The following MYCBP2 variants were observed in gnomAD, a reference collection of about 807,000 sequenced individuals.
MYCBP2 encodes MYC binding protein 2.
MYCBP2 carries 120 observed loss-of-function variants against 525.3 expected under a neutral mutation model. The ratio of observed to expected loss-of-function variants is 0.23; its 90% CI spans 0.20 to 0.27. MYCBP2 has a LOEUF of 0.27. Among genes scored for constraint, MYCBP2 ranks in the 10% least tolerant of loss-of-function variants. The probability of loss-of-function intolerance (pLI) is 1.00; values close to 1 mark genes in which losing one functional copy is unlikely to be tolerated. For missense variants in MYCBP2, 4,149 were observed against 5,657.1 expected (o/e 0.73, Z 8.55); for synonymous variants, 1,894 against 1,955.8 (o/e 0.97, Z 0.83).
chr13:77,124,325 A>G (rs1207579150), intron 54 of MYCBP2, among the ~76,000 whole-genome samples: 2 of 152,198 alleles, frequency 1.3e-5, no homozygotes, highest in Non-Finnish European at 2.9e-5. Flanking sequence ...TCATTATTGC[A>G]AATTTCAAAC....
At chr13:77,264,687 T>C (rs184682139) in intron 8 of MYCBP2, among the ~76,000 whole-genome samples, 3 of 152,228 alleles carry the variant, frequency 2.0e-5, no homozygotes, top group Admixed American at 2.0e-4. Flanking sequence ...TAGTACACCA[T>C]ATACTTTGAT....
At position 77,061,680 on chromosome 13, in the gene MYCBP2, G is replaced by A; in HGVS notation, c.12885C>T (p.Thr4295=). Residue 4295 remains threonine, a synonymous_variant, in exon 75 of 83, where the codon ACC becomes ACT. Coordinates refer to ENST00000544440, the MANE Select transcript of MYCBP2 (RefSeq NM_015057.5). ...CDRFLHLHRR[T]KTHQRQVFKE... The stretch of plus-strand genomic sequence containing the variant: ...TCTTCACCTGTCTTTGATGAGTTTT[G>A]GTTCTTCGATGAAGGTGAAGGAATC... The A allele has an allele frequency of 6.2e-7, 1 of 1,609,904 alleles. No individual in the cohort carries two copies. Among genetic ancestry groups the A allele is most frequent in the Non-Finnish European group, 8.5e-7 (1 of 1,178,856 alleles).
chr13:77,156,906 A>G (rs1160551745), intron 45 of MYCBP2, among the ~76,000 whole-genome samples: 1 of 152,182 alleles, frequency 6.6e-6, no homozygotes. Context: ...TCCAATCACT[A>G]TTTTGTGATT....
intron 20 of MYCBP2, among the ~76,000 whole-genome samples, chr13:77,219,711 T>G (rs755448454): frequency 1.3e-5 from 2 of 152,000 alleles, no homozygotes; most frequent in African/African-American, 4.8e-5. Flanking sequence ...TCTGTTGCAA[T>G]GTACATGGAG....
At chr13:77,059,206 T>C (rs1375806617) in intron 77 of MYCBP2, among the ~76,000 whole-genome samples, 1 of 152,140 alleles carries the variant, frequency 6.6e-6, no homozygotes, top group Non-Finnish European at 1.5e-5. Flanking sequence ...AAATGTATTT[T>C]AAGGAAATAA....
Position 77,058,744 on chromosome 13 carries a change from T to C in MYCBP2, c.13141-338A>G, listed in dbSNP as rs899394927. Among the ~76,000 whole-genome samples the C allele has an allele frequency of 1.3e-5, 2 of 152,126 alleles. No individual in the cohort carries two copies. The highest frequency in any genetic ancestry group is 4.8e-5 in the African/African-American group (2 of 41,410). ...GCTTACACCTGTAATCCCAGCACTT[T>C]GGGAGGCTGAGGTGGGCAGATCACG... On this transcript the variant is annotated intron_variant, in intron 77 of 82. Transcript: ENST00000544440. This position sits in a 1 kb window ranked among gnomAD's most constrained non-coding sequence, Gnocchi z 4.1.
At chr13:77,191,533 G>A in intron 28 of MYCBP2, 146 bp downstream of exon 28, 3 of 923,350 alleles carry the variant, frequency 3.2e-6, no homozygotes, top group East Asian at 2.7e-5. Context: ...TTGGCATGAG[G>A]TTACATGAAT....
rs138925101 is a variant in MYCBP2 at position 77,167,956 on chromosome 13, C to T, written c.6114+472G>A. Among the ~76,000 whole-genome samples, 27 of 152,244 alleles carry T rather than the reference C, an allele frequency of 1.8e-4. No individual in the cohort carries two copies. In the East Asian group the frequency reaches 4.2e-3, roughly 24 times the overall value. On this transcript the variant is annotated intron_variant, in intron 40 of 82. Transcript: ENST00000544440. Reference sequence around the variant, plus strand: ...TGATACAATGAAAAAACAAAGAATACGGATTTTGAATACTCTCTAATAACA... The same window carrying T: ...TGATACAATGAAAAAACAAAGAATATGGATTTTGAATACTCTCTAATAACA...
chr13:77,216,040 TAGGAC>T (rs1159348991), intron 21 of MYCBP2, among the ~76,000 whole-genome samples: 17 of 152,160 alleles, frequency 1.1e-4, no homozygotes, highest in Non-Finnish European at 2.2e-4. Context: ...TGGCTGATTC[TAGGAC>T]AGTCATACAG....
intron 80 of MYCBP2, among the ~76,000 whole-genome samples, chr13:77,053,041 G>A (rs2037154189): frequency 6.6e-6 from 1 of 152,018 alleles, no homozygotes; most frequent in Non-Finnish European, 1.5e-5. Flanking sequence ...AGAAGGCTGA[G>A]GTGGGAGGCT....
intron 15 of MYCBP2, among the ~76,000 whole-genome samples, chr13:77,250,832 A>G (rs1488477660): frequency 6.6e-6 from 1 of 152,210 alleles, no homozygotes; most frequent in Non-Finnish European, 1.5e-5. Context: ...ATAGATATCT[A>G]GCATTAAATA....
intron 4 of MYCBP2, among the ~76,000 whole-genome samples, chr13:77,276,401 C>A (rs1313412297): frequency 6.6e-6 from 1 of 151,772 alleles, no homozygotes; most frequent in Non-Finnish European, 1.5e-5. Flanking sequence ...GGAGGAGAGG[C>A]AAGTTTCAAA....
chr13:77,155,694 G>C (rs937183659), intron 46 of MYCBP2, among the ~76,000 whole-genome samples: 2 of 152,150 alleles, frequency 1.3e-5, no homozygotes, highest in South Asian at 2.1e-4. Context: ...GAACGTACTT[G>C]AGTCTTTCAA....
At chr13:77,205,932 C>G (rs1032528878) in intron 24 of MYCBP2, among the ~76,000 whole-genome samples, 1 of 152,062 alleles carries the variant, frequency 6.6e-6, no homozygotes, top group African/African-American at 2.4e-5. Flanking sequence ...GAGGAAGACA[C>G]ATTAGTGTCA....
Position 77,147,983 on chromosome 13 carries a change from G to A in MYCBP2, c.7132-1766C>T, listed in dbSNP as rs535722945. Among the ~76,000 whole-genome samples the A allele has an allele frequency of 5.3e-5, 8 of 152,130 alleles. No individual in the cohort carries two copies. The East Asian group carries it at 9.6e-4, about 18-fold the overall frequency. On this transcript the variant is annotated intron_variant, in intron 47 of 82. Coordinates refer to ENST00000544440, the MANE Select transcript of MYCBP2 (RefSeq NM_015057.5). Reference sequence around the variant, plus strand: ...GAACATGTTTGAAATATTGCATTCCGTTGTGGTAACAAAATTTGCAAAAGA... The same window carrying A: ...GAACATGTTTGAAATATTGCATTCCATTGTGGTAACAAAATTTGCAAAAGA...
chr13:77,139,482 C>T, intron 51 of MYCBP2, 146 bp from the exon 52 acceptor site: 1 of 805,018 alleles, frequency 1.2e-6, no homozygotes, highest in Non-Finnish European at 1.9e-6. Context: ...CTGAGAGACC[C>T]TCCAGGGAAA....
chr13:77,055,717 T>C lies in MYCBP2; in HGVS notation c.13488A>G (p.Glu4496=), dbSNP rs778159358. The C allele has an allele frequency of 1.9e-6, 3 of 1,613,776 alleles. No homozygotes were observed. The highest frequency in any genetic ancestry group is 2.7e-5 in the African/African-American group (2 of 74,900). The change falls in exon 80 of 83, where the codon GAA becomes GAG. Residue 4496 remains glutamate (E), a synonymous_variant. Transcript: ENST00000544440. ...VLKDLLDPIK[E]LYEDVRRKAL... ...CTTTTCTTCTGACATCCTCATAGAG[T>C]TCTTTTATTGGATCAAGTAGGTCTT...
At chr13:77,264,206 A>C (rs940823273) in intron 8 of MYCBP2, among the ~76,000 whole-genome samples, 2 of 152,204 alleles carry the variant, frequency 1.3e-5, no homozygotes, top group Non-Finnish European at 2.9e-5. Flanking sequence ...TATATTTATA[A>C]ATCTTCCATA....
At chr13:77,303,758 A>G (rs1221220549) in intron 1 of MYCBP2, among the ~76,000 whole-genome samples, 2 of 131,964 alleles carry the variant, frequency 1.5e-5, no homozygotes, top group Admixed American at 8.5e-5. Flanking sequence ...GCATACACAT[A>G]AATGCATATA....
Sources: allele counts gnomAD v4.1 joint callset (sites outside exome capture counted in the v4.1 genomes callset), GRCh38; gene constraint gnomAD v4.1.1; non-coding constraint Gnocchi (gnomAD v3.1); transcripts MANE v1.5; gene names NCBI Gene and HGNC (gene_info 2026-07-23, HGNC 2026-07-21).